Variants in TBC1D22A observed in about 807,000 individuals in gnomAD.
The protein encoded by TBC1D22A is putative GTPase activator.
In TBC1D22A, 38 loss-of-function variants were observed where a neutral mutation model predicts 60.2. That is an observed-to-expected ratio of 0.63 (90% CI 0.49 to 0.83). TBC1D22A has a LOEUF of 0.83. TBC1D22A is among the 40% of genes least tolerant of loss of function. The pLI, the probability that TBC1D22A is intolerant of heterozygous loss-of-function variation, is 0.00. For synonymous variants in TBC1D22A, 302 were observed against 281.7 expected (o/e 1.07, Z -0.72); for missense variants, 628 against 701.0 (o/e 0.90, Z 1.18).
chr22:46,832,003 C>A (rs1253123372), intron 4 of TBC1D22A, among the ~76,000 whole-genome samples: 1 of 152,226 alleles, frequency 6.6e-6, no homozygotes, highest in Non-Finnish European at 1.5e-5. Context: ...TAAAAGCCAT[C>A]AGTTGCAAGT....
chr22:47,104,569 C>T lies in TBC1D22A; in HGVS notation c.1330-6939C>T, dbSNP rs540896049. ...AATTAGCTGGGCATGATGGCACATG[C>T]CTGTAATCCCAGCTACCCCAGAGGC... On this transcript the variant is annotated intron_variant, in intron 11 of 12. Coordinates refer to ENST00000337137, the MANE Select transcript of TBC1D22A (RefSeq NM_014346.5). Among the ~76,000 whole-genome samples the T allele has an allele frequency of 4.1e-3, 628 of 151,962 alleles. 5 individuals carry two copies. Among genetic ancestry groups the T allele is most frequent in the African/African-American group, 0.013 (558 of 41,428 alleles).
At chr22:47,131,877 G>C (rs2066691120) in intron 12 of TBC1D22A, among the ~76,000 whole-genome samples, 7 of 152,226 alleles carry the variant, frequency 4.6e-5, no homozygotes, top group Admixed American at 4.6e-4. Flanking sequence ...TCCAAGCCCA[G>C]CTGTGCTTGG....
At chr22:46,960,419 G>C (rs560788725) in intron 8 of TBC1D22A, among the ~76,000 whole-genome samples, 12 of 151,878 alleles carry the variant, frequency 7.9e-5, no homozygotes, top group African/African-American at 2.9e-4. Context: ...CCACCACCAC[G>C]CCCAGCTAAT....
chr22:46,929,093 A>G (rs1289976780), intron 8 of TBC1D22A, among the ~76,000 whole-genome samples: 1 of 152,240 alleles, frequency 6.6e-6, no homozygotes, highest in Non-Finnish European at 1.5e-5. Flanking sequence ...ATTATGTGGT[A>G]TGTGAATTAT....
chr22:47,008,918 A>G (rs1037901816), intron 10 of TBC1D22A, among the ~76,000 whole-genome samples: 2 of 152,222 alleles, frequency 1.3e-5, no homozygotes, highest in African/African-American at 4.8e-5. Context: ...ATGCCAGGCC[A>G]GGAGCAACAA....
At chr22:46,959,402 G>T (rs1397261474) in intron 8 of TBC1D22A, among the ~76,000 whole-genome samples, 1 of 152,174 alleles carries the variant, frequency 6.6e-6, no homozygotes, top group Admixed American at 6.5e-5. Flanking sequence ...TGCAGGTGGT[G>T]TCAGGACACA....
At chr22:47,143,576 A>G (rs1170456339) in intron 12 of TBC1D22A, among the ~76,000 whole-genome samples, 1 of 152,244 alleles carries the variant, frequency 6.6e-6, no homozygotes, top group Non-Finnish European at 1.5e-5. Context: ...CACGTGCAGA[A>G]AGCCTGTGAC....
At chr22:47,004,338 C>T (rs1036524235) in intron 10 of TBC1D22A, among the ~76,000 whole-genome samples, 12 of 147,548 alleles carry the variant, frequency 8.1e-5, no homozygotes, top group Non-Finnish European at 1.3e-4. Context: ...TATATACATG[C>T]GTCTGCCACA....
At chr22:47,008,705 A>T (rs576218763) in intron 10 of TBC1D22A, among the ~76,000 whole-genome samples, 1 of 152,302 alleles carries the variant, frequency 6.6e-6, no homozygotes, top group East Asian at 1.9e-4. Flanking sequence ...TGATGATCTC[A>T]GGGCGGCCAG....
In TBC1D22A at chr22:46,873,792, C is replaced by CT. The variant is rs796270691; in HGVS notation, c.638-4847dup. ...CACTGCAAAGGACATAATCTTGTTC[C>CT]TTTTTTTTTTTTTTCTTTTGAGACA... is the stretch of plus-strand genomic sequence containing the variant. On this transcript the variant is annotated intron_variant, in intron 4 of 12. Transcript: ENST00000337137. 7.5e-3 allele frequency among the ~76,000 whole-genome samples: 1,085 copies of CT among 144,552 alleles called. 7 individuals carry two copies. The highest frequency in any genetic ancestry group is 0.02 in the African/African-American group (789 of 39,722). The allele number at this position is 144,552 out of a possible 152,430, so 94.8% of individuals were successfully genotyped here. A position where few individuals can be genotyped will look rare whatever the true frequency, so the allele number is the denominator to read the frequency against.
intron 7 of TBC1D22A, among the ~76,000 whole-genome samples, chr22:46,897,658 T>G (rs2068759086): frequency 6.7e-6 from 1 of 149,892 alleles, no homozygotes; most frequent in African/African-American, 2.5e-5. Context: ...TTGTGTTTTT[T>G]TTTTTTTTTT....
At chr22:47,152,151 G>T (rs1283414791) in intron 12 of TBC1D22A, among the ~76,000 whole-genome samples, 2 of 152,224 alleles carry the variant, frequency 1.3e-5, no homozygotes, top group African/African-American at 4.8e-5. Context: ...TTGCTTCCTG[G>T]TTAAGTGCTC....
chr22:46,987,148 A>G (rs1320965074), intron 9 of TBC1D22A, among the ~76,000 whole-genome samples: 1 of 152,200 alleles, frequency 6.6e-6, no homozygotes, highest in African/African-American at 2.4e-5. Flanking sequence ...CTCAGAAGTC[A>G]CACACTGTAC....
chr22:47,155,871 A>C (rs2067695459), intron 12 of TBC1D22A, among the ~76,000 whole-genome samples: 1 of 152,230 alleles, frequency 6.6e-6, no homozygotes, highest in Admixed American at 6.5e-5. Flanking sequence ...TTGATCTCCT[A>C]GTTAAAAGGG....
intron 1 of TBC1D22A, among the ~76,000 whole-genome samples, chr22:46,781,773 T>C (rs2083948894): frequency 6.6e-6 from 1 of 152,178 alleles, no homozygotes; most frequent in African/African-American, 2.4e-5. Flanking sequence ...CGGCCTCTCC[T>C]GTCGTGGGTT....
chr22:47,017,858 A>G (rs1162969199), intron 10 of TBC1D22A, among the ~76,000 whole-genome samples: 2 of 152,308 alleles, frequency 1.3e-5, no homozygotes, highest in East Asian at 3.9e-4. Flanking sequence ...AACACCTTCC[A>G]TCTATTATTT....
At position 46,860,543 on chromosome 22, in the gene TBC1D22A, A is replaced by G. The variant is rs796174686; in HGVS notation, c.638-18110A>G. 2.2e-3 allele frequency among the ~76,000 whole-genome samples: 196 copies of G among 88,602 alleles called. 1 individual carries two copies. Among genetic ancestry groups the G allele is most frequent in the Non-Finnish European group, 3.6e-3 (159 of 44,534 alleles). 58.1% of individuals were successfully genotyped at this position (88,602 alleles called of 152,430 possible). On this transcript the variant is annotated intron_variant, in intron 4 of 12. Coordinates refer to ENST00000337137, the MANE Select transcript of TBC1D22A (RefSeq NM_014346.5). ...GCGCAGTGCCGTGCCCCTTCCTGGG[A>G]CCAGAATCCTTTTTTGATAGAGGTC...
intron 8 of TBC1D22A, among the ~76,000 whole-genome samples, chr22:46,967,539 C>T (rs1024125799): frequency 3.9e-5 from 6 of 152,186 alleles, no homozygotes; most frequent in Admixed American, 1.3e-4. Context: ...GTGGTGGTAA[C>T]GGCAATAGCT....
intron 12 of TBC1D22A, among the ~76,000 whole-genome samples, chr22:47,137,568 G>A (rs2066921485): frequency 6.6e-6 from 1 of 152,160 alleles, no homozygotes; most frequent in Non-Finnish European, 1.5e-5. Context: ...CCCACATTCT[G>A]TGCCCCTTGG....
Sources: gnomAD v4.1 joint callset for allele counts (sites outside exome capture counted in the v4.1 genomes callset) on GRCh38, gnomAD v4.1.1 for gene constraint, MANE v1.5 for transcripts, NCBI Gene and HGNC (gene_info 2026-07-23, HGNC 2026-07-21) for gene names.